The following GRM1 variants were observed in gnomAD, a reference collection of about 807,000 sequenced individuals.
The protein encoded by GRM1 is glutamate metabotropic receptor 1.
Under a neutral mutation model 90.9 loss-of-function variants are expected in GRM1, and 33 were observed. The observed-to-expected ratio is 0.36, with a 90% CI of 0.28 to 0.49. The LOEUF is 0.49. Among genes scored for constraint, GRM1 ranks in the 20% least tolerant of loss-of-function variants. The pLI is 0.99. For missense variants in GRM1, 1,190 were observed against 1,534.3 expected (o/e 0.78, Z 3.75); for synonymous variants, 700 against 613.2 (o/e 1.14, Z -2.09).
intron 2 of GRM1, among the ~76,000 whole-genome samples, chr6:146,270,136 A>G (rs886878083): frequency 1.3e-5 from 2 of 152,116 alleles, no homozygotes; most frequent in African/African-American, 4.8e-5. Context: ...GGTAGGTTGA[A>G]CTTTTTCCTT....
intron 2 of GRM1, among the ~76,000 whole-genome samples, chr6:146,254,330 A>G (rs1220072832): frequency 6.6e-6 from 1 of 152,086 alleles, no homozygotes; most frequent in Non-Finnish European, 1.5e-5. Context: ...TCCAGCTTCC[A>G]CACTGGAAGG....
At chr6:146,043,307 A>G (rs1791184858) in intron 1 of GRM1, among the ~76,000 whole-genome samples, 1 of 151,944 alleles carries the variant, frequency 6.6e-6, no homozygotes, top group Non-Finnish European at 1.5e-5. Context: ...AAAAAAAATT[A>G]GGTTTCCAGA....
chr6:146,259,395 A>G (rs1781599789), intron 2 of GRM1, among the ~76,000 whole-genome samples: 1 of 152,154 alleles, frequency 6.6e-6, no homozygotes, highest in South Asian at 2.1e-4. Flanking sequence ...CCAATGTTGT[A>G]CATTGGATGT....
chr6:146,335,984 A>G lies in GRM1; in HGVS notation c.1187-16266A>G, dbSNP rs901538808. On this transcript the variant is annotated intron_variant, in intron 3 of 7. Coordinates refer to ENST00000282753, the MANE Select transcript of GRM1 (RefSeq NM_001278064.2). ...TGCACATGATCTCCTGCCTGTGTCCATGTAAGATGTGCCTTTGCTCCTCCT... is the reference window on the plus strand; with the variant it reads ...TGCACATGATCTCCTGCCTGTGTCCGTGTAAGATGTGCCTTTGCTCCTCCT... Among the ~76,000 whole-genome samples, 11 of 152,148 alleles carry G rather than the reference A, an allele frequency of 7.2e-5. 1 individual carries two copies. Among genetic ancestry groups the G allele is most frequent in the Admixed American group, 3.3e-4 (5 of 15,274 alleles).
At position 146,311,794 on chromosome 6, in the gene GRM1, G is replaced by A. The variant is rs562654438; in HGVS notation, c.1186+6948G>A. Among the ~76,000 whole-genome samples, 41 of 152,222 alleles carry A rather than the reference G, an allele frequency of 2.7e-4. No homozygotes were observed. The East Asian group carries it at 4.3e-3, about 16-fold the overall frequency. On this transcript the variant is annotated intron_variant, in intron 3 of 7. Transcript: ENST00000282753. ...TGTGAAAAAAAATACTTTTGGTTTC[G>A]TAGTTTTACATAGCATGATAGGTAA... is the stretch of plus-strand genomic sequence containing the variant.
chr6:146,163,308 A>G (rs554122448), intron 2 of GRM1, among the ~76,000 whole-genome samples: 73 of 152,318 alleles, frequency 4.8e-4, no homozygotes, highest in African/African-American at 1.7e-3. Flanking sequence ...TTTATTTAAG[A>G]TGCTTCTCAG....
intron 3 of GRM1, among the ~76,000 whole-genome samples, chr6:146,323,977 C>G (rs1173129734): frequency 6.6e-6 from 1 of 152,190 alleles, no homozygotes. Flanking sequence ...CAGTACCATG[C>G]TGTTTTGTTT....
At chr6:146,325,157 T>G (rs942958518) in intron 3 of GRM1, among the ~76,000 whole-genome samples, 1 of 152,184 alleles carries the variant, frequency 6.6e-6, no homozygotes, top group Non-Finnish European at 1.5e-5. Context: ...GTCCTGAGTT[T>G]CATGTTTCCA....
intron 1 of GRM1, among the ~76,000 whole-genome samples, chr6:146,087,272 T>C (rs35495809): frequency 3.5e-4 from 53 of 152,126 alleles, no homozygotes; most frequent in Non-Finnish European, 7.1e-4. Flanking sequence ...TAGATTCACA[T>C]GCAATTCCAA....
At chr6:146,318,443 G>A (rs1291991689) in intron 3 of GRM1, among the ~76,000 whole-genome samples, 2 of 152,170 alleles carry the variant, frequency 1.3e-5, no homozygotes, top group Non-Finnish European at 2.9e-5. Context: ...TTGCTATTGT[G>A]AAAAGTGCTG....
intron 1 of GRM1, among the ~76,000 whole-genome samples, chr6:146,083,624 A>G (rs1206136782): frequency 1.3e-5 from 2 of 152,126 alleles, no homozygotes; most frequent in African/African-American, 4.8e-5. Flanking sequence ...GTGCTGCTGG[A>G]TTTGGTTTGC....
intron 4 of GRM1, among the ~76,000 whole-genome samples, chr6:146,354,710 C>G (rs984340986): frequency 7.2e-5 from 11 of 152,090 alleles, no homozygotes; most frequent in Admixed American, 7.2e-4. Context: ...TTCAGTTAAT[C>G]ATCACACAAT....
At chr6:146,345,495 C>T (rs966071315) in intron 3 of GRM1, among the ~76,000 whole-genome samples, 1 of 152,152 alleles carries the variant, frequency 6.6e-6, no homozygotes, top group African/African-American at 2.4e-5. Context: ...AGAGCTTTTA[C>T]AATAACTCTT....
intron 5 of GRM1, among the ~76,000 whole-genome samples, chr6:146,371,500 A>T (rs1562646424): frequency 6.6e-6 from 1 of 152,016 alleles, no homozygotes; most frequent in African/African-American, 2.4e-5. Flanking sequence ...CGATATTTTA[A>T]AATGTAAAAT....
chr6:146,413,052 G>A (rs923195922), intron 7 of GRM1, among the ~76,000 whole-genome samples: 3 of 152,060 alleles, frequency 2.0e-5, no homozygotes, highest in African/African-American at 7.2e-5. Context: ...TTGTTCTAGA[G>A]TAGATTTCTC....
chr6:146,329,221 T>G (rs1276601582), intron 3 of GRM1, among the ~76,000 whole-genome samples: 1 of 152,040 alleles, frequency 6.6e-6, no homozygotes, highest in Non-Finnish European at 1.5e-5. Flanking sequence ...ATACACAGAG[T>G]TGAACGAATG....
intron 6 of GRM1, among the ~76,000 whole-genome samples, chr6:146,389,843 T>C (rs574192793): frequency 1.3e-5 from 2 of 152,196 alleles, no homozygotes; most frequent in African/African-American, 4.8e-5. Context: ...TAATGATCCA[T>C]ATTGATTCTG....
intron 4 of GRM1, among the ~76,000 whole-genome samples, chr6:146,354,270 T>A (rs1253316802): frequency 2.0e-5 from 3 of 152,120 alleles, no homozygotes; most frequent in Non-Finnish European, 4.4e-5. Flanking sequence ...AACAAGTGAG[T>A]CTGAGGTTCA....
At chr6:146,335,838 G>A (rs552583506) in intron 3 of GRM1, among the ~76,000 whole-genome samples, 9 of 152,166 alleles carry the variant, frequency 5.9e-5, no homozygotes, top group Middle Eastern at 3.4e-3. Flanking sequence ...TAATCCCCAC[G>A]TGTCCAGGAA....
Sources: gnomAD v4.1 joint callset for allele counts (sites outside exome capture counted in the v4.1 genomes callset) on GRCh38, gnomAD v4.1.1 for gene constraint, MANE v1.5 for transcripts, NCBI Gene and HGNC (gene_info 2026-07-23, HGNC 2026-07-21) for gene names.